The following TTC7B variants were observed in gnomAD, a reference collection of about 807,000 sequenced individuals.
The protein encoded by TTC7B is tetratricopeptide repeat domain 7B.
TTC7B carries 28 observed loss-of-function variants against 106.8 expected under a neutral mutation model. The ratio of observed to expected loss-of-function variants is 0.26; its 90% confidence interval spans 0.19 to 0.36. The LOEUF is 0.36. Ranked by LOEUF, TTC7B falls within the 10% of genes least tolerant of loss-of-function variation. The pLI is 1.00. For missense variants in TTC7B, 862 were observed against 1,076.4 expected (o/e 0.80, Z 2.79); for synonymous variants, 405 against 430.6 (o/e 0.94, Z 0.74).
intron 1 of TTC7B, among the ~76,000 whole-genome samples, chr14:90,812,476 G>T (rs1348841104): frequency 2.0e-5 from 3 of 152,000 alleles, no homozygotes; most frequent in Non-Finnish European, 2.9e-5. Context: ...CAAACCCCTG[G>T]ACACCTTGCT....
intron 14 of TTC7B, 101 bp from the exon 15 acceptor site, chr14:90,644,309 T>C: frequency 8.5e-7 from 1 of 1,175,888 alleles, no homozygotes; most frequent in Non-Finnish European, 1.2e-6. Context: ...TTTCAATGTC[T>C]GCTTCTCTTC....
intron 17 of TTC7B, chr14:90,605,792 C>CAAA (rs368830022): frequency 6.6e-6 from 7 of 1,060,066 alleles, no homozygotes; most frequent in Admixed American, 4.5e-5. Flanking sequence ...AGGGTGAAGG[C>CAAA]AAAAAAAAAA....
rs1393614684 is a variant in TTC7B, at chr14:90,525,787, T to C, written c.*15581A>G. ...CGACAAAGGCCCTCTCTAACCCGAG[T>C]ACACCGGCCTCTGGCTTTGTGACAA... On this transcript the variant is annotated 3_prime_UTR_variant, in exon 20 of 20. Transcript: ENST00000328459. 6.8e-6 allele frequency: 1 copy of C among 147,014 alleles called. No individual in the cohort carries two copies. Among genetic ancestry groups the C allele is most frequent in the African/African-American group, 2.5e-5 (1 of 39,666 alleles). 9.1% of individuals were successfully genotyped at this position (147,014 alleles called of 1,614,324 possible).
Position 90,689,524 on chromosome 14 carries a change from A to T in TTC7B, c.950+16T>A. 1 of 1,609,860 alleles carries T rather than the reference A, an allele frequency of 6.2e-7. No individual in the cohort carries two copies. The highest frequency in any genetic ancestry group is 8.5e-7 in the Non-Finnish European group (1 of 1,177,400). On this transcript the variant is annotated intron_variant, in intron 7 of 19. Transcript: ENST00000328459. The stretch of plus-strand genomic sequence containing the variant: ...CCCAACCCATAACCTACAAGTGAGG[A>T]CATCAACTTTCATACTTCTCTCCTG...
At chr14:90,700,687 T>C (rs553531395) in intron 5 of TTC7B, among the ~76,000 whole-genome samples, 1 of 130,926 alleles carries the variant, frequency 7.6e-6, no homozygotes, top group South Asian at 2.5e-4. Flanking sequence ...CCTTATGGTA[T>C]GTATCTGCTT....
intron 19 of TTC7B, among the ~76,000 whole-genome samples, chr14:90,556,065 G>A (rs987143600): frequency 1.3e-5 from 2 of 152,262 alleles, no homozygotes; most frequent in African/African-American, 2.4e-5. Context: ...GGCGCGCCGC[G>A]TGGTGCACTG....
chr14:90,590,173 A>G (rs887562515), intron 18 of TTC7B, among the ~76,000 whole-genome samples: 2 of 152,174 alleles, frequency 1.3e-5, no homozygotes, highest in African/African-American at 2.4e-5. Flanking sequence ...GGGAGCACCT[A>G]TCATACAGAA....
At position 90,528,672 on chromosome 14, in the gene TTC7B, A is replaced by G. The variant is rs1041369594; in HGVS notation, c.*12696T>C. ...TGGTTGTTTCTGATGGTGTGACCCGACTGTGTTTTGTTACCTGTTTCCGAT... is the reference window on the plus strand; with the variant it reads ...TGGTTGTTTCTGATGGTGTGACCCGGCTGTGTTTTGTTACCTGTTTCCGAT... On this transcript the variant is annotated 3_prime_UTR_variant, in exon 20 of 20. Transcript: ENST00000328459. The G allele has an allele frequency of 1.0e-4, 16 of 152,728 alleles. No homozygotes were observed. Among genetic ancestry groups the G allele is most frequent in the African/African-American group, 3.9e-4 (16 of 41,168 alleles). The allele number at this position is 152,728 out of a possible 1,614,324, so 9.5% of individuals were successfully genotyped here.
rs1889147088 is a variant in TTC7B at position 90,526,197 on chromosome 14, T to C, written c.*15171A>G. The C allele has an allele frequency of 6.6e-6, 1 of 152,236 alleles. No homozygotes were observed. Among genetic ancestry groups the C allele is most frequent in the Non-Finnish European group, 1.5e-5 (1 of 68,046 alleles). The allele number at this position is 152,236 out of a possible 1,614,324, so 9.4% of individuals were successfully genotyped here. Reference sequence around the variant, plus strand: ...ACGTCCTCACAAACATTTGTTATTGTCTGTCTTTTTGATTATAGACATCCT... The same window carrying C: ...ACGTCCTCACAAACATTTGTTATTGCCTGTCTTTTTGATTATAGACATCCT... On this transcript the variant is annotated 3_prime_UTR_variant, in exon 20 of 20. Transcript: ENST00000328459.
chr14:90,784,697 A>G (rs181236242), intron 2 of TTC7B, among the ~76,000 whole-genome samples: 1 of 152,290 alleles, frequency 6.6e-6, no homozygotes, highest in East Asian at 1.9e-4. Context: ...CTGAATGGGG[A>G]AAGAGAAGAC....
intron 15 of TTC7B, among the ~76,000 whole-genome samples, chr14:90,639,456 A>G (rs1418572509): frequency 1.3e-5 from 2 of 152,254 alleles, no homozygotes; most frequent in Admixed American, 1.3e-4. Context: ...ACTCATTAGT[A>G]ATGAGGGATG....
intron 3 of TTC7B, among the ~76,000 whole-genome samples, chr14:90,768,092 C>T (rs897680270): frequency 2.0e-5 from 3 of 152,132 alleles, no homozygotes; most frequent in Non-Finnish European, 2.9e-5. Flanking sequence ...AAGGGATCCT[C>T]AATAAAATTA....
intron 16 of TTC7B, among the ~76,000 whole-genome samples, chr14:90,613,311 C>T (rs1420967235): frequency 2.0e-5 from 3 of 151,978 alleles, no homozygotes; most frequent in Non-Finnish European, 4.4e-5. Context: ...AAGAGGATGG[C>T]TTGAGCCTGG....
At chr14:90,676,417 G>T in intron 9 of TTC7B, 106 bp downstream of exon 9, 2 of 1,343,660 alleles carry the variant, frequency 1.5e-6, no homozygotes, top group Non-Finnish European at 2.0e-6. Context: ...TCACATGGCT[G>T]CCACTAATAG....
At chr14:90,630,014 G>T (rs75653841) in intron 15 of TTC7B, among the ~76,000 whole-genome samples, 4 of 152,220 alleles carry the variant, frequency 2.6e-5, no homozygotes, top group Non-Finnish European at 5.9e-5. Context: ...TGTGAAAATG[G>T]GGGGAGGGGT....
chr14:90,773,677 T>C (rs2140028699), intron 3 of TTC7B, among the ~76,000 whole-genome samples: 1 of 152,286 alleles, frequency 6.6e-6, no homozygotes, highest in East Asian at 1.9e-4. Flanking sequence ...TTGGCTTCTG[T>C]AAATGGGACT....
chr14:90,765,331 G>A (rs1935402389), intron 3 of TTC7B, among the ~76,000 whole-genome samples: 2 of 152,156 alleles, frequency 1.3e-5, no homozygotes, highest in African/African-American at 2.4e-5. Context: ...AATGGGAAGT[G>A]ACTGCTAATG....
In TTC7B at chr14:90,644,158, G is replaced by A. The variant is rs147740201; in HGVS notation, c.1641C>T (p.Asp547=). ...YVRQALQLQG[D]DANSLHLLAL... ...CAAGGAGGTGCAGGGAGTTGGCATC[G>A]TCACCTTGAAGCTGAAGAGCTTGGC... is the stretch of plus-strand genomic sequence containing the variant. The change falls in exon 15 of 20, where the codon GAC becomes GAT. Residue 547 remains aspartate (D), a synonymous_variant. Coordinates refer to ENST00000328459, the MANE Select transcript of TTC7B (RefSeq NM_001010854.2). The A allele has an allele frequency of 2.0e-4, 321 of 1,613,220 alleles. No homozygotes were observed. Among genetic ancestry groups the A allele is most frequent in the Non-Finnish European group, 2.3e-4 (268 of 1,179,714 alleles).
At chr14:90,794,211 C>T (rs28497046) in intron 1 of TTC7B, among the ~76,000 whole-genome samples, 949 of 44,916 alleles carry the variant, frequency 0.021, 66 homozygotes, top group Middle Eastern at 0.033. Flanking sequence ...CTGGGTATTT[C>T]TTTTTTTTTT....
Sources: gnomAD v4.1 joint callset for allele counts (sites outside exome capture counted in the v4.1 genomes callset) on GRCh38, gnomAD v4.1.1 for gene constraint, MANE v1.5 for transcripts, NCBI Gene and HGNC (gene_info 2026-07-23, HGNC 2026-07-21) for gene names.